Variants in MCTP1 observed in about 807,000 individuals in gnomAD.
MCTP1 encodes the protein multiple C2 and transmembrane domain-containing protein 1.
In MCTP1, 69 loss-of-function variants were observed where a neutral mutation model predicts 120.6. The ratio of observed to expected loss-of-function variants is 0.57; its 90% CI spans 0.47 to 0.70. The LOEUF (loss-of-function observed/expected upper bound fraction) is 0.70, where lower values mean the gene tolerates loss of function less well. MCTP1 is among the 30% of genes least tolerant of loss of function. The pLI, the probability that MCTP1 is intolerant of heterozygous loss-of-function variation, is 0.00. For synonymous variants in MCTP1, 529 were observed against 493.1 expected (o/e 1.07, Z -0.96); for missense variants, 1,203 against 1,248.8 (o/e 0.96, Z 0.55).
In MCTP1 at chr5:95,284,794, C is replaced by T. The variant is rs1020035695; in HGVS notation, c.-219G>A. 1.3e-5 allele frequency among the ~76,000 whole-genome samples: 2 copies of T among 152,064 alleles called. No homozygotes were observed. The highest frequency in any genetic ancestry group is 2.9e-5 in the Non-Finnish European group (2 of 67,986). ...GCCGAGGCTCTCTGGCCTCGGGACTCCGGCGCTGCCTCTTCCTCCCGCACC... is the reference window on the plus strand; with the variant it reads ...GCCGAGGCTCTCTGGCCTCGGGACTTCGGCGCTGCCTCTTCCTCCCGCACC... On this transcript the variant is annotated 5_prime_UTR_variant, in exon 1 of 23. Coordinates refer to ENST00000515393, the MANE Select transcript of MCTP1 (RefSeq NM_024717.7). The surrounding 1 kb of genome is among the most constrained non-coding windows in gnomAD (Gnocchi z 5.2).
At chr5:94,758,258 GAT>G (rs1770434276) in intron 19 of MCTP1, among the ~76,000 whole-genome samples, 1 of 152,154 alleles carries the variant, frequency 6.6e-6, no homozygotes, top group Non-Finnish European at 1.5e-5. Context: ...ATTCATATTT[GAT>G]ATGAGAAAAG....
chr5:95,028,808 T>A (rs1839758871), intron 1 of MCTP1, among the ~76,000 whole-genome samples: 1 of 152,196 alleles, frequency 6.6e-6, no homozygotes, highest in African/African-American at 2.4e-5. Flanking sequence ...TGTCTGATAT[T>A]TGTTTTCTAA....
chr5:94,853,704 G>C (rs1017228676), intron 17 of MCTP1, among the ~76,000 whole-genome samples: 1 of 151,974 alleles, frequency 6.6e-6, no homozygotes, highest in Admixed American at 6.6e-5. Context: ...TTATCTGAGG[G>C]CTACTCTACT....
At chr5:95,278,846 G>T (rs544934285) in intron 1 of MCTP1, among the ~76,000 whole-genome samples, 347 of 151,744 alleles carry the variant, frequency 2.3e-3, no homozygotes, top group African/African-American at 8.1e-3. Context: ...CCTGTAATCC[G>T]AGCTACTCGG....
At chr5:95,261,290 T>C (rs766861118) in intron 1 of MCTP1, among the ~76,000 whole-genome samples, 2 of 152,170 alleles carry the variant, frequency 1.3e-5, no homozygotes, top group Non-Finnish European at 2.9e-5. Flanking sequence ...ATCCTTGCAA[T>C]GAAGCAGTAC....
intron 2 of MCTP1, among the ~76,000 whole-genome samples, chr5:95,010,258 C>T (rs911408516): frequency 7.2e-5 from 11 of 152,014 alleles, no homozygotes; most frequent in South Asian, 2.1e-4. Context: ...CAATTGATCT[C>T]GAGTCCTATC....
chr5:94,747,600 T>G (rs762406065), intron 19 of MCTP1, among the ~76,000 whole-genome samples: 25 of 152,184 alleles, frequency 1.6e-4, no homozygotes, highest in Non-Finnish European at 5.9e-5. Flanking sequence ...TTGGCTGAAT[T>G]TGGCCTGTGG....
At chr5:95,281,148 G>C (rs983561332) in intron 1 of MCTP1, among the ~76,000 whole-genome samples, 1 of 152,192 alleles carries the variant, frequency 6.6e-6, no homozygotes, top group Non-Finnish European at 1.5e-5. Context: ...CTTGAGTACT[G>C]TGCTTGTGAA....
At chr5:94,947,332 C>A (rs143384359) in intron 3 of MCTP1, among the ~76,000 whole-genome samples, 218 of 151,788 alleles carry the variant, frequency 1.4e-3, no homozygotes, top group African/African-American at 4.7e-3. Flanking sequence ...ACTGTCCGTG[C>A]CTAATTATGC....
At chr5:95,273,513 T>C (rs1582711320) in intron 1 of MCTP1, among the ~76,000 whole-genome samples, 1 of 152,220 alleles carries the variant, frequency 6.6e-6, no homozygotes, top group African/African-American at 2.4e-5. Context: ...CCATAAAGAT[T>C]CAGCTAACAG....
chr5:94,768,740 T>C (rs895078737), intron 19 of MCTP1, among the ~76,000 whole-genome samples: 12 of 152,116 alleles, frequency 7.9e-5, no homozygotes, highest in Non-Finnish European at 1.8e-4. Flanking sequence ...AAATAATGGA[T>C]GTAGTCAAAG....
intron 1 of MCTP1, among the ~76,000 whole-genome samples, chr5:95,213,476 C>A (rs578034631): frequency 1.4e-4 from 22 of 152,274 alleles, no homozygotes; most frequent in African/African-American, 5.1e-4. Context: ...CCCCATCAAG[C>A]TACCAATGAC....
At chr5:95,184,093 A>T (rs1748922177) in intron 1 of MCTP1, among the ~76,000 whole-genome samples, 1 of 152,094 alleles carries the variant, frequency 6.6e-6, no homozygotes, top group Non-Finnish European at 1.5e-5. Flanking sequence ...CCACCATGGC[A>T]CATGTATACC....
At chr5:95,167,229 G>A (rs1746521770) in intron 1 of MCTP1, among the ~76,000 whole-genome samples, 1 of 152,144 alleles carries the variant, frequency 6.6e-6, no homozygotes, top group Admixed American at 6.5e-5. Context: ...CCCTACAAAG[G>A]ACGTGAGCTC....
At chr5:94,972,411 G>A (rs919052032) in intron 2 of MCTP1, among the ~76,000 whole-genome samples, 16 of 152,058 alleles carry the variant, frequency 1.1e-4, no homozygotes, top group East Asian at 3.9e-4. Context: ...GAGTTTTAGC[G>A]GAATGCCTGG....
At position 94,893,102 on chromosome 5, in the gene MCTP1, C is replaced by T. The variant is rs192302241; in HGVS notation, c.1839+1547G>A. Among the ~76,000 whole-genome samples, 5 of 152,162 alleles carry T rather than the reference C, an allele frequency of 3.3e-5. No individual in the cohort carries two copies. In the East Asian group the frequency reaches 7.7e-4, roughly 24 times the overall value. On this transcript the variant is annotated intron_variant, in intron 11 of 22. Coordinates refer to ENST00000515393, the MANE Select transcript of MCTP1 (RefSeq NM_024717.7). ...ACAATCTGAGAATTAAGTCAAACAT[C>T]CGCATAATATTTTACATTTTATTGA... is the stretch of plus-strand genomic sequence containing the variant.
At chr5:95,203,766 G>A (rs1751324563) in intron 1 of MCTP1, among the ~76,000 whole-genome samples, 2 of 152,180 alleles carry the variant, frequency 1.3e-5, no homozygotes, top group African/African-American at 4.8e-5. Flanking sequence ...GAAGTGAATT[G>A]TAACTTAACA....
At chr5:95,137,040 T>C (rs3886555) in intron 1 of MCTP1, among the ~76,000 whole-genome samples, 40,203 of 152,162 alleles carry the variant, frequency 0.26, 5,438 homozygotes, top group Middle Eastern at 0.32. Context: ...ACTAAGGTAT[T>C]TCACTTATTC....
At chr5:95,104,378 T>G (rs780140234) in intron 1 of MCTP1, among the ~76,000 whole-genome samples, 1 of 151,332 alleles carries the variant, frequency 6.6e-6, no homozygotes, top group Non-Finnish European at 1.5e-5. Context: ...AACTTTGTTA[T>G]GATTTACCCC....
Sources: gnomAD v4.1 joint callset for allele counts (sites outside exome capture counted in the v4.1 genomes callset) on GRCh38, gnomAD v4.1.1 for gene constraint, Gnocchi (gnomAD v3.1) non-coding constraint, MANE v1.5 for transcripts, NCBI Gene and HGNC (gene_info 2026-07-23, HGNC 2026-07-21) for gene names.